COX7B2: variants seen among roughly 807,000 people sequenced by gnomAD.
COX7B2 encodes the protein cytochrome c oxidase subunit 7B2.
For missense variants in COX7B2, 109 were observed against 95.9 expected, an observed-to-expected ratio of 1.14 and a Z score of -0.57; for synonymous variants, 37 against 32.1, an observed-to-expected ratio of 1.15 and a Z score of -0.51.
At chr4:46,743,966 T>C (rs563435298) in intron 2 of COX7B2, among the ~76,000 whole-genome samples, 1 of 152,272 alleles carries the variant, frequency 6.6e-6, no homozygotes, top group African/African-American at 2.4e-5. Context: ...ACAGGGTGTG[T>C]GGTAATCCCA....
At chr4:46,787,966 T>C (rs1408824897) in intron 2 of COX7B2, among the ~76,000 whole-genome samples, 1 of 152,206 alleles carries the variant, frequency 6.6e-6, no homozygotes. Flanking sequence ...TTAACATGTA[T>C]GGCCTCTGAT....
intron 2 of COX7B2, among the ~76,000 whole-genome samples, chr4:46,769,527 C>A (rs1289723053): frequency 1.3e-5 from 2 of 151,942 alleles, no homozygotes; most frequent in Non-Finnish European, 2.9e-5. Flanking sequence ...CCAGCCTGGC[C>A]AATATGGTGA....
intron 2 of COX7B2, among the ~76,000 whole-genome samples, chr4:46,832,936 G>A (rs529350621): frequency 1.2e-4 from 18 of 150,902 alleles, no homozygotes; most frequent in Non-Finnish European, 2.1e-4. Flanking sequence ...ATGGAGTCTC[G>A]CTCTTGTTGC....
At chr4:46,907,966 G>C (rs934832692) in intron 1 of COX7B2, among the ~76,000 whole-genome samples, 8 of 144,896 alleles carry the variant, frequency 5.5e-5, no homozygotes, top group Admixed American at 7.3e-5. Flanking sequence ...CGATTCTCCC[G>C]GCTCAGCCTC....
chr4:46,831,234 C>G (rs1021999964), intron 2 of COX7B2, among the ~76,000 whole-genome samples: 1 of 152,104 alleles, frequency 6.6e-6, no homozygotes, highest in South Asian at 2.1e-4. Flanking sequence ...GGCCCACCAA[C>G]GCAGCGCTTG....
intron 2 of COX7B2, among the ~76,000 whole-genome samples, chr4:46,795,121 T>G (rs1270162217): frequency 7.3e-6 from 1 of 137,296 alleles, no homozygotes; most frequent in Non-Finnish European, 1.5e-5. Context: ...ATGAGTAGGT[T>G]GCAAAAATTT....
At chr4:46,754,571 T>G (rs1715635506) in intron 2 of COX7B2, among the ~76,000 whole-genome samples, 1 of 143,150 alleles carries the variant, frequency 7.0e-6, no homozygotes, top group Non-Finnish European at 1.5e-5. Context: ...GGGATAGCAT[T>G]AGGAGATATA....
chr4:46,804,824 T>C (rs181904146), intron 2 of COX7B2, among the ~76,000 whole-genome samples: 1,906 of 152,370 alleles, frequency 0.013, 31 homozygotes, highest in African/African-American at 0.044. Flanking sequence ...CTGTGCCGTG[T>C]GCCTGCACTC....
At chr4:46,834,455 A>T (rs921364884) in intron 2 of COX7B2, among the ~76,000 whole-genome samples, 21 of 152,142 alleles carry the variant, frequency 1.4e-4, no homozygotes, top group African/African-American at 5.1e-4. Context: ...CTGCGAATAA[A>T]CCCTAGCACA....
chr4:46,756,343 A>G (rs909743763), intron 2 of COX7B2, among the ~76,000 whole-genome samples: 3 of 152,028 alleles, frequency 2.0e-5, no homozygotes, highest in East Asian at 3.8e-4. Flanking sequence ...ATAAGACCTA[A>G]AAGTATAAAA....
intron 1 of COX7B2, among the ~76,000 whole-genome samples, chr4:46,900,524 A>G (rs1301584274): frequency 6.6e-6 from 1 of 152,182 alleles, no homozygotes; most frequent in East Asian, 1.9e-4. Context: ...ATTTCTCATT[A>G]AGAAATCTGT....
intron 1 of COX7B2, among the ~76,000 whole-genome samples, chr4:46,903,386 T>C (rs1015339537): frequency 6.6e-6 from 1 of 152,110 alleles, no homozygotes; most frequent in Non-Finnish European, 1.5e-5. Flanking sequence ...TCCTATAATA[T>C]TAAAATGGAG....
chr4:46,788,030 G>T (rs187101514), intron 2 of COX7B2, among the ~76,000 whole-genome samples: 1 of 152,032 alleles, frequency 6.6e-6, no homozygotes, highest in African/African-American at 2.4e-5. Flanking sequence ...CTTCAGGGAC[G>T]AAGGCTTTCA....
At chr4:46,859,766 A>G (rs1299255693) in intron 1 of COX7B2, among the ~76,000 whole-genome samples, 2 of 152,196 alleles carry the variant, frequency 1.3e-5, no homozygotes, top group Non-Finnish European at 2.9e-5. Flanking sequence ...GTGCCATGAT[A>G]GTTTACAAAT....
intron 1 of COX7B2, among the ~76,000 whole-genome samples, chr4:46,869,956 AC>A (rs1416397392): frequency 6.6e-6 from 1 of 152,036 alleles, no homozygotes; most frequent in Non-Finnish European, 1.5e-5. Flanking sequence ...TGAACCATAT[AC>A]TGAAATATGT....
intron 1 of COX7B2, among the ~76,000 whole-genome samples, chr4:46,885,343 G>T (rs1260480901): frequency 6.6e-6 from 1 of 152,074 alleles, no homozygotes; most frequent in South Asian, 2.1e-4. Flanking sequence ...AAGCTGTGTA[G>T]TAGGTAATAG....
At chr4:46,791,102 C>T (rs11936970) in intron 2 of COX7B2, among the ~76,000 whole-genome samples, 79 of 152,054 alleles carry the variant, frequency 5.2e-4, no homozygotes, top group Non-Finnish European at 9.9e-4. Flanking sequence ...GGGGTTCACG[C>T]ATTCTGGTGC....
intron 1 of COX7B2, among the ~76,000 whole-genome samples, chr4:46,850,515 AT>A (rs753679441): frequency 1.3e-4 from 20 of 152,122 alleles, no homozygotes; most frequent in Non-Finnish European, 2.6e-4. Context: ...CACATAAAAA[AT>A]CTCAATATAC....
chr4:46,778,987 T>G (rs73139358), intron 2 of COX7B2, among the ~76,000 whole-genome samples: 5,125 of 152,274 alleles, frequency 0.034, 218 homozygotes, highest in African/African-American at 0.1. Context: ...TTCTTGCAAT[T>G]TAGATACTGA....
Sources: gnomAD v4.1 joint callset for allele counts (sites outside exome capture counted in the v4.1 genomes callset) on GRCh38, gnomAD v4.1.1 for gene constraint, MANE v1.5 for transcripts, NCBI Gene and HGNC (gene_info 2026-07-23, HGNC 2026-07-21) for gene names.